CSMD1: variants seen among roughly 807,000 people sequenced by gnomAD.
The protein encoded by CSMD1 is CUB and sushi domain-containing protein 1.
CSMD1 carries 213 observed loss-of-function variants against 417.5 expected under a neutral mutation model. The ratio of observed to expected loss-of-function variants is 0.51; its 90% confidence interval spans 0.46 to 0.57. CSMD1 has a LOEUF of 0.57. Ranked by LOEUF, CSMD1 falls within the 20% of genes least tolerant of loss-of-function variation. The probability of loss-of-function intolerance (pLI) is 0.00; values close to 1 mark genes in which losing one functional copy is unlikely to be tolerated. For synonymous variants in CSMD1, 2,862 were observed against 1,736.8 expected (o/e 1.65, Z -16.11); for missense variants, 6,923 against 4,529.7 (o/e 1.53, Z -15.17).
chr8:3,062,873 A>C (rs148826992), intron 49 of CSMD1, among the ~76,000 whole-genome samples: 1,756 of 152,116 alleles, frequency 0.012, 37 homozygotes, highest in African/African-American at 0.04. Flanking sequence ...TTACCCATCT[A>C]CTTTTAGAGT....
chr8:4,280,904 G>A (rs1179453655), intron 3 of CSMD1, among the ~76,000 whole-genome samples: 1 of 152,160 alleles, frequency 6.6e-6, no homozygotes, highest in Non-Finnish European at 1.5e-5. Context: ...TAGTTGTCAT[G>A]GAAGTTGCAA....
intron 26 of CSMD1, among the ~76,000 whole-genome samples, chr8:3,241,453 T>TA (rs1167254736): frequency 6.6e-6 from 1 of 152,136 alleles, no homozygotes; most frequent in Non-Finnish European, 1.5e-5. Context: ...CTACAGGGCT[T>TA]CCGAGGTGAT....
chr8:3,830,092 C>A lies in CSMD1; in HGVS notation c.819-76050G>T, dbSNP rs1439516516. 3.9e-5 allele frequency among the ~76,000 whole-genome samples: 6 copies of A among 152,200 alleles called. No individual in the cohort carries two copies. The East Asian group carries it at 9.7e-4, about 25-fold the overall frequency. ...AATCACCTTAATTTTCTTCTGTGCC[C>A]GTTTTCTTGACCCTAAAGTGAAGGA... is the stretch of plus-strand genomic sequence containing the variant. On this transcript the variant is annotated intron_variant, in intron 5 of 69. Transcript: ENST00000635120.
At chr8:3,922,723 T>C (rs1006311370) in intron 5 of CSMD1, among the ~76,000 whole-genome samples, 1 of 152,200 alleles carries the variant, frequency 6.6e-6, no homozygotes, top group African/African-American at 2.4e-5. Flanking sequence ...ACATCTTTTT[T>C]ATATTTTGTA....
At chr8:4,867,877 T>C (rs1484191178) in intron 1 of CSMD1, among the ~76,000 whole-genome samples, 1 of 152,090 alleles carries the variant, frequency 6.6e-6, no homozygotes, top group East Asian at 1.9e-4. Context: ...GTATTACACA[T>C]TAAATATGTT....
Position 4,546,294 on chromosome 8 carries a change from C to T in CSMD1, c.302+91048G>A, listed in dbSNP as rs1271996471. The stretch of plus-strand genomic sequence containing the variant: ...ATGTTCTTTTCTGTCTTTTCCTCTC[C>T]GGCCATTTATGATGGTAAATTTTCT... On this transcript the variant is annotated intron_variant, in intron 2 of 69. Coordinates refer to ENST00000635120, the MANE Select transcript of CSMD1 (RefSeq NM_033225.6). Among the ~76,000 whole-genome samples, 8 of 152,164 alleles carry T rather than the reference C, an allele frequency of 5.3e-5. No individual in the cohort carries two copies. In the East Asian group the frequency reaches 5.8e-4, roughly 11 times the overall value.
intron 1 of CSMD1, among the ~76,000 whole-genome samples, chr8:4,742,514 A>G (rs1216975938): frequency 2.6e-5 from 4 of 152,236 alleles, no homozygotes; most frequent in South Asian, 2.1e-4. Context: ...ATGTACATAG[A>G]AAATATTTTA....
At chr8:3,736,234 T>C (rs545086034) in intron 6 of CSMD1, among the ~76,000 whole-genome samples, 1 of 152,206 alleles carries the variant, frequency 6.6e-6, no homozygotes, top group African/African-American at 2.4e-5. Flanking sequence ...TGTGTGTGTA[T>C]TTTTTTGTTT....
chr8:3,075,885 C>T (rs1043482739), intron 49 of CSMD1, among the ~76,000 whole-genome samples: 1 of 106,986 alleles, frequency 9.3e-6, no homozygotes, highest in Admixed American at 9.4e-5. Flanking sequence ...ACTAAAAATA[C>T]AAAAAAAAAA....
rs1481938826 is a variant in CSMD1 at position 4,143,611 on chromosome 8, C to T, written c.416-111512G>A. On this transcript the variant is annotated intron_variant, in intron 3 of 69. Transcript: ENST00000635120. ...CTTTAACTAGTTGTGATGCCCATGG[C>T]ACTCTGAGGGTACACCTGATACCGG... 2.0e-5 allele frequency among the ~76,000 whole-genome samples: 3 copies of T among 151,024 alleles called. 1 individual carries two copies. The highest frequency in any genetic ancestry group is 5.0e-5 in the African/African-American group (2 of 40,354).
chr8:3,234,190 C>T (rs1489834834), intron 26 of CSMD1, among the ~76,000 whole-genome samples: 1 of 152,194 alleles, frequency 6.6e-6, no homozygotes, highest in Non-Finnish European at 1.5e-5. Context: ...TTCCTAGCTT[C>T]ACAATCTCTC....
At chr8:4,308,014 T>G (rs1201171475) in intron 3 of CSMD1, among the ~76,000 whole-genome samples, 2 of 152,136 alleles carry the variant, frequency 1.3e-5, no homozygotes, top group Non-Finnish European at 2.9e-5. Flanking sequence ...ACAGTGATGG[T>G]GGGCATACTA....
intron 5 of CSMD1, among the ~76,000 whole-genome samples, chr8:3,884,173 T>C (rs1177376307): frequency 6.6e-6 from 1 of 152,330 alleles, no homozygotes; most frequent in East Asian, 1.9e-4. Context: ...TGAACTCAGG[T>C]GGCTTTAAAT....
intron 3 of CSMD1, among the ~76,000 whole-genome samples, chr8:4,194,316 T>C (rs1185136198): frequency 6.6e-6 from 1 of 152,260 alleles, no homozygotes; most frequent in Middle Eastern, 3.4e-3. Flanking sequence ...TCCTATAGGA[T>C]GGGATTTAGA....
At chr8:3,876,462 G>A (rs1288131038) in intron 5 of CSMD1, among the ~76,000 whole-genome samples, 2 of 152,086 alleles carry the variant, frequency 1.3e-5, no homozygotes, top group African/African-American at 4.8e-5. Flanking sequence ...GTCTCTTGTT[G>A]GAGAGTCCTA....
At chr8:3,629,724 G>A (rs1004935131) in intron 7 of CSMD1, among the ~76,000 whole-genome samples, 5 of 106,600 alleles carry the variant, frequency 4.7e-5, no homozygotes, top group African/African-American at 1.5e-4. Context: ...AAAGAATAAA[G>A]GTAAAACACT....
At chr8:3,323,679 G>A (rs190154146) in intron 23 of CSMD1, among the ~76,000 whole-genome samples, 4 of 152,332 alleles carry the variant, frequency 2.6e-5, no homozygotes, top group Admixed American at 6.5e-5. Flanking sequence ...TATGACAGAT[G>A]AAGCAGCAGG....
At chr8:3,816,907 C>G (rs972863282) in intron 5 of CSMD1, among the ~76,000 whole-genome samples, 3 of 152,110 alleles carry the variant, frequency 2.0e-5, no homozygotes, top group South Asian at 4.2e-4. Context: ...CTCATAAATT[C>G]TATATGGTCC....
intron 1 of CSMD1, among the ~76,000 whole-genome samples, chr8:4,824,144 G>A (rs1361723527): frequency 6.6e-6 from 1 of 151,012 alleles, no homozygotes; most frequent in African/African-American, 2.4e-5. Context: ...AAGGAAATGG[G>A]GAAAAACAAT....
Sources: allele counts gnomAD v4.1 joint callset (sites outside exome capture counted in the v4.1 genomes callset), GRCh38; gene constraint gnomAD v4.1.1; transcripts MANE v1.5; gene names NCBI Gene and HGNC (gene_info 2026-07-23, HGNC 2026-07-21).